Variants in PDE1A observed in about 807,000 individuals in gnomAD.
PDE1A encodes phosphodiesterase 1A, also known as dual specificity calcium/calmodulin-dependent 3',5'-cyclic nucleotide phosphodiesterase 1A.
In PDE1A, 35 loss-of-function variants were observed where a neutral mutation model predicts 61.7. The observed-to-expected ratio is 0.57, with a 90% confidence interval of 0.43 to 0.75. The LOEUF (loss-of-function observed/expected upper bound fraction) is 0.75, where lower values mean the gene tolerates loss of function less well. Among genes scored for constraint, PDE1A ranks in the 30% least tolerant of loss-of-function variants. The pLI, the probability that PDE1A is intolerant of heterozygous loss-of-function variation, is 0.00. For synonymous variants in PDE1A, 232 were observed against 213.2 expected, an observed-to-expected ratio of 1.09 and a Z score of -0.77; for missense variants, 597 against 630.6, an observed-to-expected ratio of 0.95 and a Z score of 0.57.
rs554355706 is a variant in PDE1A at position 182,318,701 on chromosome 2, T to C, written c.54-54287A>G. ...GCTCACTTCAATGCCTTGGAGACTC[T>C]AGGAGGAAAGGAATAGCTTTGCAGC... On this transcript the variant is annotated intron_variant, in intron 1 of 13. Transcript: ENST00000351439. Among the ~76,000 whole-genome samples the C allele has an allele frequency of 3.4e-4, 52 of 152,232 alleles. 2 individuals carry two copies. The South Asian group carries it at 0.011, about 32-fold the overall frequency.
intron 1 of PDE1A, among the ~76,000 whole-genome samples, chr2:182,424,355 A>G (rs1243198240): frequency 6.6e-6 from 1 of 152,196 alleles, no homozygotes; most frequent in Non-Finnish European, 1.5e-5. Flanking sequence ...CACACAAAAC[A>G]CACTGGTACA....
the PDE1A span, among the ~76,000 whole-genome samples, chr2:182,592,297 G>A: frequency 1.3e-5 from 2 of 152,124 alleles, no homozygotes; most frequent in Non-Finnish European, 2.9e-5. Flanking sequence ...GTTTCTCTCC[G>A]AGTTTCATCC....
At chr2:182,389,502 A>G (rs1701300033) in intron 1 of PDE1A, among the ~76,000 whole-genome samples, 1 of 152,228 alleles carries the variant, frequency 6.6e-6, no homozygotes, top group African/African-American at 2.4e-5. Context: ...AATACTTAAT[A>G]TCAGTAATCA....
In PDE1A at chr2:182,234,419, G is replaced by A; in HGVS notation, c.417+13C>T. On this transcript the variant is annotated intron_variant, in intron 4 of 13. Transcript: ENST00000351439. Reference sequence around the variant, plus strand: ...TGACCATTTTATACACGAAAATAATGAAATTATGTCACCTTTAATGTTACG... The same window carrying A: ...TGACCATTTTATACACGAAAATAATAAAATTATGTCACCTTTAATGTTACG... 3 of 1,572,982 alleles carry A rather than the reference G, an allele frequency of 1.9e-6. No homozygotes were observed. The highest frequency in any genetic ancestry group is 2.6e-6 in the Non-Finnish European group (3 of 1,151,338).
Position 182,148,282 on chromosome 2 carries a change from G to C in PDE1A, c.1517-1130C>G, listed in dbSNP as rs541230882. ...AGAAATGTTGCCTGTGTGTGTGGAGGGGGGTGGGGTGTGTATGGTTGATGT... is the reference window on the plus strand; with the variant it reads ...AGAAATGTTGCCTGTGTGTGTGGAGCGGGGTGGGGTGTGTATGGTTGATGT... On this transcript the variant is annotated intron_variant, in intron 13 of 13. Coordinates refer to the PDE1A transcript ENST00000409365. Among the ~76,000 whole-genome samples, 100 of 152,176 alleles carry C rather than the reference G, an allele frequency of 6.6e-4. 1 individual carries two copies. The highest frequency in any genetic ancestry group is 2.2e-3 in the African/African-American group (92 of 41,504).
At chr2:182,226,546 T>A (rs1689158449) in intron 6 of PDE1A, among the ~76,000 whole-genome samples, 1 of 149,776 alleles carries the variant, frequency 6.7e-6, no homozygotes, top group South Asian at 2.1e-4. Flanking sequence ...CCTTAGCTGC[T>A]GATTCATTTT....
At chr2:182,523,297 G>C (rs1386884169), upstream of PDE1A, 1 of 152,154 alleles carries the variant, frequency 6.6e-6, no homozygotes, top group Non-Finnish European at 1.5e-5. Context: ...GTTTATGAGA[G>C]AGAGAAGGAG....
chr2:182,618,434 T>G, the PDE1A span, among the ~76,000 whole-genome samples: 2 of 152,170 alleles, frequency 1.3e-5, no homozygotes, highest in South Asian at 4.1e-4. Context: ...CTCGTTATAG[T>G]ATCTTTTGGT....
At chr2:182,604,833 T>C in the PDE1A span, among the ~76,000 whole-genome samples, 2 of 152,158 alleles carry the variant, frequency 1.3e-5, no homozygotes, top group Non-Finnish European at 2.9e-5. Flanking sequence ...ATTGTTACTC[T>C]TTTTTTAACT....
chr2:182,427,483 C>G (rs1309661722), upstream of PDE1A, among the ~76,000 whole-genome samples: 1 of 151,756 alleles, frequency 6.6e-6, no homozygotes, highest in Non-Finnish European at 1.5e-5. Flanking sequence ...ACATCTCTTG[C>G]AAAAAAGAGA....
chr2:182,509,566 T>C (rs539104731), intron 2 of PDE1A, among the ~76,000 whole-genome samples: 2 of 152,184 alleles, frequency 1.3e-5, no homozygotes, highest in African/African-American at 2.4e-5. Flanking sequence ...CCTTACTAAA[T>C]GTGAAATAGT....
At chr2:182,282,190 A>G (rs914960452) in intron 1 of PDE1A, among the ~76,000 whole-genome samples, 1 of 151,884 alleles carries the variant, frequency 6.6e-6, no homozygotes, top group East Asian at 1.9e-4. Flanking sequence ...CCACTCACTT[A>G]TCCTCACTAC....
chr2:182,274,793 C>T (rs958271685), intron 1 of PDE1A, among the ~76,000 whole-genome samples: 2 of 152,032 alleles, frequency 1.3e-5, no homozygotes, highest in Non-Finnish European at 2.9e-5. Flanking sequence ...TACAGAATTT[C>T]CCTTGCTTCT....
chr2:182,690,414 A>G, the PDE1A span, among the ~76,000 whole-genome samples: 3 of 152,296 alleles, frequency 2.0e-5, no homozygotes, highest in African/African-American at 7.2e-5. Context: ...TGTAAATAGA[A>G]CCAGAGACAA....
intron 1 of PDE1A, chr2:182,522,458 C>T: frequency 1.3e-6 from 2 of 1,595,574 alleles, no homozygotes; most frequent in Admixed American, 1.7e-5. Context: ...AAATCTTACA[C>T]ACTTATACAG....
At chr2:182,207,256 T>A (rs1435451665) in intron 7 of PDE1A, among the ~76,000 whole-genome samples, 7 of 152,252 alleles carry the variant, frequency 4.6e-5, no homozygotes, top group African/African-American at 1.7e-4. Flanking sequence ...GTTGAGGACG[T>A]CTTAGGTAGA....
chr2:182,663,067 A>G, the PDE1A span, among the ~76,000 whole-genome samples: 1 of 152,166 alleles, frequency 6.6e-6, no homozygotes, highest in Non-Finnish European at 1.5e-5. Context: ...GCAGCCAATG[A>G]CCATATGAAA....
chr2:182,283,119 T>TA (rs1205133494), intron 1 of PDE1A, among the ~76,000 whole-genome samples: 1 of 152,000 alleles, frequency 6.6e-6, no homozygotes, highest in Non-Finnish European at 1.5e-5. Context: ...AATCTTAAAG[T>TA]ATAAACTGTC....
the PDE1A span, among the ~76,000 whole-genome samples, chr2:182,559,268 G>A: frequency 1.3e-5 from 2 of 152,124 alleles, no homozygotes; most frequent in Non-Finnish European, 2.9e-5. Context: ...AGAGAACAAG[G>A]GAGACTGATA....
Sources: gnomAD v4.1 joint callset for allele counts (sites outside exome capture counted in the v4.1 genomes callset) on GRCh38, gnomAD v4.1.1 for gene constraint, MANE v1.5 for transcripts, NCBI Gene and HGNC (gene_info 2026-07-23, HGNC 2026-07-21) for gene names.